Variants in BAMBI observed in about 807,000 individuals in gnomAD.
The protein encoded by BAMBI is BMP and activin membrane-bound inhibitor homolog.
In BAMBI, 21 loss-of-function variants were observed where a neutral mutation model predicts 24.1. The ratio of observed to expected loss-of-function variants is 0.87; its 90% confidence interval spans 0.62 to 1.26. The LOEUF is 1.26. Among genes scored for constraint, BAMBI ranks in the 50% most tolerant of loss-of-function variants. BAMBI has a pLI of 0.00. For missense variants in BAMBI, 388 were observed against 329.1 expected (o/e 1.18, Z -1.38); for synonymous variants, 156 against 123.1 (o/e 1.27, Z -1.77).
Position 28,682,130 on chromosome 10 carries a change from TG to T in BAMBI, c.514del (p.Ala172ProfsTer2), listed in dbSNP as rs1236690088. The T allele has an allele frequency of 6.2e-7, 1 of 1,614,060 alleles. No homozygotes were observed. Among genetic ancestry groups the T allele is most frequent in the East Asian group, 2.2e-5 (1 of 44,892 alleles). ...CTGATTTTAGTGTTGCTTATTATGT[TG>T]GCCCTGAGGATGCTTCGAAGTGAAA... ...GGLILVLLIMLALRMLRSENK... is the reference protein window; with the variant it reads ...GGLILVLLIMXALRMLRSENK... On this transcript the variant is annotated frameshift_variant, in exon 3 of 3. Coordinates refer to ENST00000375533, the MANE Select transcript of BAMBI (RefSeq NM_012342.3). LOFTEE classifies it high-confidence loss of function.
Position 28,682,534 on chromosome 10 carries a change from C to G in BAMBI, c.*133C>G. 1 of 765,632 alleles carries G rather than the reference C, an allele frequency of 1.3e-6. No homozygotes were observed. The highest frequency in any genetic ancestry group is 2.1e-6 in the Non-Finnish European group (1 of 483,250). 47.4% of individuals were successfully genotyped at this position (765,632 alleles called of 1,614,324 possible). On this transcript the variant is annotated 3_prime_UTR_variant, in exon 3 of 3. Transcript: ENST00000375533. ...ACAAAATGACCTCTGCAAACAGAATCTTGGATATTTCTTCTGAAGGATTAT... is the reference window on the plus strand; with the variant it reads ...ACAAAATGACCTCTGCAAACAGAATGTTGGATATTTCTTCTGAAGGATTAT...
At position 28,682,284 on chromosome 10, in the gene BAMBI, C is replaced by T. The variant is rs377723568; in HGVS notation, c.666C>T (p.His222=). The change falls in exon 3 of 3, where the codon CAC becomes CAT. Residue 222 remains histidine, a synonymous_variant. Coordinates refer to ENST00000375533, the MANE Select transcript of BAMBI (RefSeq NM_012342.3). ...DLECMVPVSG[H]ENCCLTCDKM... is the part of the protein sequence containing the mutation. ...AATGCATGGTGCCGGTCAGTGGGCACGAGAACTGCTGTCTGACCTGTGATA... is the reference window on the plus strand; with the variant it reads ...AATGCATGGTGCCGGTCAGTGGGCATGAGAACTGCTGTCTGACCTGTGATA... 1.4e-5 allele frequency: 23 copies of T among 1,614,076 alleles called. No homozygotes were observed. Among genetic ancestry groups the T allele is most frequent in the Admixed American group, 5.0e-5 (3 of 60,004 alleles).
intron 2 of BAMBI, 58 bp from the exon 3 acceptor site, chr10:28,681,925 T>G: frequency 7.0e-7 from 1 of 1,434,744 alleles, no homozygotes; most frequent in Non-Finnish European, 9.5e-7. Context: ...TTGATGATTA[T>G]GAATATCCCT....
At chr10:28,681,572 A>G (rs757582686) in intron 2 of BAMBI, 27 bp downstream of exon 2, 1 of 1,607,032 alleles carries the variant, frequency 6.2e-7, no homozygotes, top group South Asian at 1.1e-5. Context: ...TCTAACCAGA[A>G]TGCCTGCCTG....
chr10:28,679,465 G>C (rs1190885346), intron 1 of BAMBI, among the ~76,000 whole-genome samples: 1 of 151,800 alleles, frequency 6.6e-6, no homozygotes, highest in African/African-American at 2.4e-5. Context: ...CTTTATGAAC[G>C]ACAGAAATAT....
rs1405959012 is a variant in BAMBI, at chr10:28,682,054, A to G, written c.436A>G (p.Lys146Glu). 6.2e-7 allele frequency: 1 copy of G among 1,614,160 alleles called. No homozygotes were observed. Among genetic ancestry groups the G allele is most frequent in the East Asian group, 2.2e-5 (1 of 44,862 alleles). ...CAAGGTGCAGGAGCTGACTTCTTCC[A>G]AAGAGTTGTGGTTCCGGGCAGCGGT... ...ITKVQELTSS[K>E]ELWFRAAVIA... The change falls in exon 3 of 3, where the codon AAA (lysine) becomes GAA (glutamate). Residue 146 changes from lysine to glutamate, a missense_variant. Transcript: ENST00000375533.
At position 28,681,525 on chromosome 10, in the gene BAMBI, C is replaced by T. The variant is rs762605186; in HGVS notation, c.344C>T (p.Pro115Leu). The T allele has an allele frequency of 5.0e-6, 8 of 1,613,802 alleles. No homozygotes were observed. The highest frequency in any genetic ancestry group is 2.7e-5 in the African/African-American group (2 of 74,940). Reference protein sequence around the residue: ...NYRGLHDVLSPPRGEASGQGN... With the variant: ...NYRGLHDVLSLPRGEASGQGN... ...AGAGGGCTGCACGATGTTCTCTCTCCTCCCAGGGGTGAGGCCTCAGGTAGG... is the reference window on the plus strand; with the variant it reads ...AGAGGGCTGCACGATGTTCTCTCTCTTCCCAGGGGTGAGGCCTCAGGTAGG... Residue 115 changes from proline (P) to leucine (L), a missense_variant, in exon 2 of 3, where the codon CCT becomes CTT. Coordinates refer to ENST00000375533, the MANE Select transcript of BAMBI (RefSeq NM_012342.3).
At chr10:28,679,833 G>A (rs558786951) in intron 1 of BAMBI, among the ~76,000 whole-genome samples, 6 of 152,236 alleles carry the variant, frequency 3.9e-5, no homozygotes, top group African/African-American at 1.4e-4. Context: ...AGAAAGAGCA[G>A]AGAAGTGGTT....
chr10:28,682,270 C>G lies in BAMBI; in HGVS notation c.652C>G (p.Pro218Ala). ...VAKLDLECMVPVSGHENCCLT... is the reference protein window; with the variant it reads ...VAKLDLECMVAVSGHENCCLT... ...AAAGTTAGACTTGGAATGCATGGTG[C>G]CGGTCAGTGGGCACGAGAACTGCTG... is the stretch of plus-strand genomic sequence containing the variant. Residue 218 changes from proline (P) to alanine (A), a missense_variant, in exon 3 of 3, where the codon CCG becomes GCG. Coordinates refer to ENST00000375533, the MANE Select transcript of BAMBI (RefSeq NM_012342.3). 6.2e-7 allele frequency: 1 copy of G among 1,614,126 alleles called. No homozygotes were observed. Among genetic ancestry groups the G allele is most frequent in the South Asian group, 1.1e-5 (1 of 91,080 alleles).
At chr10:28,679,987 A>C (rs1194541761) in intron 1 of BAMBI, among the ~76,000 whole-genome samples, 1 of 152,246 alleles carries the variant, frequency 6.6e-6, no homozygotes, top group East Asian at 1.9e-4. Context: ...GAACCGAAGC[A>C]TTAGCAGCGT....
intron 2 of BAMBI, 98 bp downstream of exon 2, chr10:28,681,643 A>G (rs1834499049): frequency 7.5e-7 from 1 of 1,328,146 alleles, no homozygotes; most frequent in Non-Finnish European, 1.0e-6. Flanking sequence ...TTGTTAATGT[A>G]ATTAGAGACA....
intron 1 of BAMBI, among the ~76,000 whole-genome samples, chr10:28,680,921 A>T (rs773834832): frequency 4.6e-5 from 7 of 152,248 alleles, no homozygotes; most frequent in African/African-American, 7.2e-5. Context: ...TTGTATGGTC[A>T]TGTAGGATTA....
chr10:28,681,156 C>CT, intron 1 of BAMBI, 102 bp from the exon 2 acceptor site: 1 of 1,282,068 alleles, frequency 7.8e-7, no homozygotes. Flanking sequence ...CTTGGATGAT[C>CT]TAAAAGTTCA....
Position 28,682,272 on chromosome 10 carries a change from G to A in BAMBI, c.654G>A (p.Pro218=), listed in dbSNP as rs373310257. ...AGTTAGACTTGGAATGCATGGTGCC[G>A]GTCAGTGGGCACGAGAACTGCTGTC... ...VAKLDLECMV[P]VSGHENCCLT... The change falls in exon 3 of 3, where the codon CCG becomes CCA. Residue 218 remains proline (P), a synonymous_variant. Coordinates refer to ENST00000375533, the MANE Select transcript of BAMBI (RefSeq NM_012342.3). 1.2e-4 allele frequency: 200 copies of A among 1,614,110 alleles called. No individual in the cohort carries two copies. The highest frequency in any genetic ancestry group is 1.7e-4 in the Admixed American group (10 of 60,012).
intron 1 of BAMBI, among the ~76,000 whole-genome samples, 172 bp downstream of exon 1, chr10:28,678,145 C>T (rs1834457266): frequency 6.6e-6 from 1 of 152,236 alleles, no homozygotes; most frequent in Non-Finnish European, 1.5e-5. Context: ...CGCGTGGATG[C>T]GGACTCCGAT....
Position 28,681,661 on chromosome 10 carries a change from G to A in BAMBI, c.364+116G>A, listed in dbSNP as rs1834499167. On this transcript the variant is annotated intron_variant, in intron 2 of 2. Coordinates refer to ENST00000375533, the MANE Select transcript of BAMBI (RefSeq NM_012342.3). Reference sequence around the variant, plus strand: ...TTAATGTAATTAGAGACACCAGAGGGAGAAGCCTGGCTGGATGCAAAGATG... The same window carrying A: ...TTAATGTAATTAGAGACACCAGAGGAAGAAGCCTGGCTGGATGCAAAGATG... 10 of 1,166,644 alleles carry A rather than the reference G, an allele frequency of 8.6e-6. No homozygotes were observed. In the South Asian group the frequency reaches 1.2e-4, roughly 14 times the overall value. 72.3% of individuals were successfully genotyped at this position (1,166,644 alleles called of 1,614,324 possible). A position where few individuals can be genotyped will look rare whatever the true frequency, so the allele number is the denominator to read the frequency against.
intron 2 of BAMBI, 81 bp downstream of exon 2, chr10:28,681,626 G>T (rs1834498962): frequency 6.9e-7 from 1 of 1,451,970 alleles, no homozygotes; most frequent in Non-Finnish European, 9.4e-7. Flanking sequence ...GTCTGCTATT[G>T]ATTTTGTTGT....
chr10:28,680,517 G>A (rs986065434), intron 1 of BAMBI, among the ~76,000 whole-genome samples: 1 of 152,250 alleles, frequency 6.6e-6, no homozygotes, highest in Non-Finnish European at 1.5e-5. Flanking sequence ...TGAGGAGGAG[G>A]AGGAGAAGTT....
intron 1 of BAMBI, among the ~76,000 whole-genome samples, chr10:28,680,222 A>C (rs757455256): frequency 6.6e-6 from 1 of 152,160 alleles, no homozygotes; most frequent in Non-Finnish European, 1.5e-5. Context: ...TCGCTGTGGC[A>C]TGTGACAGCG....
Sources: allele counts gnomAD v4.1 joint callset (sites outside exome capture counted in the v4.1 genomes callset), GRCh38; gene constraint gnomAD v4.1.1; transcripts MANE v1.5; gene names NCBI Gene and HGNC (gene_info 2026-07-23, HGNC 2026-07-21).